Variants in ACYP2 observed in about 807,000 individuals in gnomAD.
The protein encoded by ACYP2 is acylphosphatase 2, also known as acylphosphatase-2.
In ACYP2, 12 loss-of-function variants were observed where a neutral mutation model predicts 11.2. The observed-to-expected ratio is 1.08, with a 90% confidence interval of 0.69 to 1.74. ACYP2 has a LOEUF of 1.74. Ranked by LOEUF, ACYP2 falls within the 40% of genes most tolerant of loss-of-function variation. The pLI is 0.00. For synonymous variants in ACYP2, 43 were observed against 32.2 expected (o/e 1.33, Z -1.13); for missense variants, 134 against 101.9 (o/e 1.31, Z -1.35).
intron 2 of ACYP2, among the ~76,000 whole-genome samples, chr2:53,984,760 A>C (rs1436183618): frequency 1.3e-5 from 2 of 151,904 alleles, no homozygotes; most frequent in African/African-American, 2.4e-5. Flanking sequence ...CACCACCTTC[A>C]TGCAAGACAA....
chr2:54,159,141 A>C (rs1355919432), intron 6 of ACYP2, among the ~76,000 whole-genome samples: 1 of 151,746 alleles, frequency 6.6e-6, no homozygotes, highest in Non-Finnish European at 1.5e-5. Flanking sequence ...GGTACTTTTG[A>C]CTGGGCTGCT....
chr2:54,049,193 G>A (rs541187324), intron 2 of ACYP2, among the ~76,000 whole-genome samples: 6 of 151,932 alleles, frequency 3.9e-5, no homozygotes, highest in Admixed American at 6.6e-5. Flanking sequence ...CCCGGGAGGC[G>A]GAGACTGCAG....
chr2:54,040,698 A>G (rs897894255), intron 2 of ACYP2, among the ~76,000 whole-genome samples: 1 of 152,228 alleles, frequency 6.6e-6, no homozygotes, highest in African/African-American at 2.4e-5. Context: ...CTAACTGATC[A>G]AGTAAGATGA....
chr2:54,021,620 G>A (rs865958311), intron 2 of ACYP2, among the ~76,000 whole-genome samples: 1 of 152,114 alleles, frequency 6.6e-6, no homozygotes, highest in South Asian at 2.1e-4. Context: ...GCAAAAGTGG[G>A]GTTCCCAGAA....
intron 4 of ACYP2, among the ~76,000 whole-genome samples, chr2:54,132,710 G>A (rs1680979608): frequency 6.6e-6 from 1 of 151,162 alleles, no homozygotes; most frequent in African/African-American, 2.4e-5. Flanking sequence ...TATAAATTCA[G>A]CAACATTCAC....
chr2:54,256,146 G>T, intron 6 of ACYP2: 4 of 1,611,000 alleles, frequency 2.5e-6, no homozygotes, highest in African/African-American at 1.3e-5. Context: ...TCTCCGGGAG[G>T]CTCATGTTGG....
At chr2:54,095,814 G>T (rs1330316291) in intron 4 of ACYP2, among the ~76,000 whole-genome samples, 3 of 123,712 alleles carry the variant, frequency 2.4e-5, no homozygotes, top group Non-Finnish European at 5.2e-5. Flanking sequence ...CCTCCCGGAC[G>T]GGGCGGCTGG....
intron 4 of ACYP2, among the ~76,000 whole-genome samples, chr2:54,095,695 T>C (rs1482550886): frequency 2.4e-5 from 3 of 126,396 alleles, no homozygotes; most frequent in Admixed American, 7.4e-5. Flanking sequence ...ACGGGGCGGC[T>C]GGCCGGGCAG....
intron 2 of ACYP2, among the ~76,000 whole-genome samples, chr2:54,039,356 G>C (rs951361739): frequency 6.6e-6 from 1 of 150,528 alleles, no homozygotes; most frequent in African/African-American, 2.4e-5. Flanking sequence ...GCAGTGGTGT[G>C]ATCTTGGCTC....
At chr2:54,207,299 G>C (rs937055997) in intron 6 of ACYP2, among the ~76,000 whole-genome samples, 1 of 151,812 alleles carries the variant, frequency 6.6e-6, no homozygotes, top group Middle Eastern at 3.4e-3. Flanking sequence ...ATTCAAGTAA[G>C]AGTTGATATT....
chr2:54,104,889 A>T (rs1679075222), intron 4 of ACYP2, among the ~76,000 whole-genome samples: 1 of 152,186 alleles, frequency 6.6e-6, no homozygotes, highest in South Asian at 2.1e-4. Flanking sequence ...TTGCACAAAA[A>T]GTGGGGTCTA....
At chr2:54,283,548 C>T (rs1688937517) in intron 6 of ACYP2, among the ~76,000 whole-genome samples, 1 of 152,196 alleles carries the variant, frequency 6.6e-6, no homozygotes, top group African/African-American at 2.4e-5. Flanking sequence ...GATTTAGAAT[C>T]CCAGAGGTCT....
chr2:54,037,394 C>G (rs1297757815), intron 2 of ACYP2, among the ~76,000 whole-genome samples: 1 of 151,628 alleles, frequency 6.6e-6, no homozygotes, highest in Non-Finnish European at 1.5e-5. Flanking sequence ...GGATTACAGG[C>G]ATAAGCCACC....
chr2:54,106,327 GCA>G (rs1487741493), intron 4 of ACYP2, among the ~76,000 whole-genome samples: 1 of 151,298 alleles, frequency 6.6e-6, no homozygotes, highest in African/African-American at 2.4e-5. Flanking sequence ...GTCTCCCAAA[GCA>G]CAGAGATTAC....
chr2:54,245,225 T>C (rs1686895833), intron 6 of ACYP2, among the ~76,000 whole-genome samples: 1 of 152,226 alleles, frequency 6.6e-6, no homozygotes, highest in Non-Finnish European at 1.5e-5. Context: ...TTCTTTTTTA[T>C]GGCTGAATTG....
intron 4 of ACYP2, among the ~76,000 whole-genome samples, chr2:54,076,201 G>A (rs190063470): frequency 1.3e-5 from 2 of 152,190 alleles, no homozygotes; most frequent in Non-Finnish European, 2.9e-5. Flanking sequence ...GGAAGAAGAT[G>A]CCAAACTGAT....
intron 2 of ACYP2, among the ~76,000 whole-genome samples, chr2:54,031,366 A>G: frequency 6.8e-6 from 1 of 147,224 alleles, no homozygotes; most frequent in Non-Finnish European, 1.5e-5. Context: ...ATGAGTGAGA[A>G]CATGCAGTGT....
At chr2:54,232,971 A>T (rs574370487) in intron 6 of ACYP2, among the ~76,000 whole-genome samples, 30 of 152,268 alleles carry the variant, frequency 2.0e-4, no homozygotes, top group Non-Finnish European at 4.3e-4. Flanking sequence ...TTCACTTTTA[A>T]TTATGACATG....
chr2:53,979,956 T>G (rs1671671282), intron 2 of ACYP2, among the ~76,000 whole-genome samples: 1 of 152,044 alleles, frequency 6.6e-6, no homozygotes, highest in African/African-American at 2.4e-5. Flanking sequence ...CCTCCCAAAG[T>G]GCTGGGATTA....
Sources: gnomAD v4.1 joint callset for allele counts (sites outside exome capture counted in the v4.1 genomes callset) on GRCh38, gnomAD v4.1.1 for gene constraint, MANE v1.5 for transcripts, NCBI Gene and HGNC (gene_info 2026-07-23, HGNC 2026-07-21) for gene names.